BCKDHA: variants seen among roughly 807,000 people sequenced by gnomAD.
The protein encoded by BCKDHA is 2-oxoisovalerate dehydrogenase subunit alpha, mitochondrial.
BCKDHA carries 43 observed loss-of-function variants against 52.2 expected under a neutral mutation model. The ratio of observed to expected loss-of-function variants is 0.82; its 90% CI spans 0.64 to 1.06. BCKDHA has a LOEUF of 1.06. Ranked by LOEUF, BCKDHA falls within the 50% of genes least tolerant of loss-of-function variation. The pLI is 0.00. For synonymous variants in BCKDHA, 234 were observed against 247.9 expected (o/e 0.94, Z 0.53); for missense variants, 527 against 621.3 (o/e 0.85, Z 1.61).
intron 1 of BCKDHA, among the ~76,000 whole-genome samples, chr19:41,406,458 T>C (rs2039194124): frequency 6.6e-6 from 1 of 152,132 alleles, no homozygotes; most frequent in African/African-American, 2.4e-5. Flanking sequence ...AGTGCAATGG[T>C]GCAGTCATGG....
Position 41,416,018 on chromosome 19 carries a change from A to G in BCKDHA, c.484+1861A>G, listed in dbSNP as rs150427481. Among the ~76,000 whole-genome samples the G allele has an allele frequency of 5.4e-3, 792 of 146,212 alleles. 11 individuals are homozygous for G. Among genetic ancestry groups the G allele is most frequent in the African/African-American group, 0.019 (747 of 38,856 alleles). ...GAGTACGGTGGCGCAGTCTTGGCTC[A>G]TTGCAACTTCTGCCTTCCAGGTTCA... On this transcript the variant is annotated intron_variant, in intron 4 of 8. Coordinates refer to ENST00000269980, the MANE Select transcript of BCKDHA (RefSeq NM_000709.4).
intron 3 of BCKDHA, among the ~76,000 whole-genome samples, chr19:41,412,381 T>TTTC (rs2039264382): frequency 2.3e-5 from 2 of 85,820 alleles, no homozygotes; most frequent in Admixed American, 1.1e-4. Flanking sequence ...TAGATATTTC[T>TTTC]TTTTTTTTTT....
At chr19:41,415,511 C>T in intron 4 of BCKDHA, 1 of 152,410 alleles carries the variant, frequency 6.6e-6, no homozygotes. Context: ...AGTTGAGTCA[C>T]ATCCACTCTA....
At chr19:41,415,710 G>A (rs1361454402) in intron 4 of BCKDHA, among the ~76,000 whole-genome samples, 6 of 151,492 alleles carry the variant, frequency 4.0e-5, no homozygotes, top group South Asian at 2.1e-4. Flanking sequence ...GTGCAGTGGC[G>A]CGATCTCGGC....
chr19:41,420,894 G>T (rs989129003), intron 5 of BCKDHA, among the ~76,000 whole-genome samples: 1 of 152,216 alleles, frequency 6.6e-6, no homozygotes, highest in Admixed American at 6.5e-5. Flanking sequence ...GTCCTCCGGG[G>T]CCTGTAGCCT....
chr19:41,400,795 A>C (rs1358441215), intron 1 of BCKDHA, among the ~76,000 whole-genome samples: 1 of 151,182 alleles, frequency 6.6e-6, no homozygotes, highest in Non-Finnish European at 1.5e-5. Context: ...GGGTTGCCTG[A>C]GGCCAGGAGT....
chr19:41,419,108 G>C (rs1568506525), intron 4 of BCKDHA, 27 bp from the exon 5 acceptor site: 1 of 1,613,814 alleles, frequency 6.2e-7, no homozygotes, highest in Non-Finnish European at 8.5e-7. Context: ...TGCCCACTCG[G>C]CTAACCATTG....
intron 5 of BCKDHA, among the ~76,000 whole-genome samples, chr19:41,421,941 T>C (rs2039370286): frequency 6.6e-6 from 1 of 152,060 alleles, no homozygotes; most frequent in Admixed American, 6.5e-5. Context: ...TACTGGACTC[T>C]TCAGCCTGAG....
intron 2 of BCKDHA, 45 bp downstream of exon 2, chr19:41,410,861 C>T (rs755016319): frequency 9.3e-6 from 15 of 1,613,318 alleles, no homozygotes; most frequent in African/African-American, 1.3e-5. Flanking sequence ...CACGCCCAGG[C>T]CCCTTGCCTG....
In BCKDHA at chr19:41,422,245, A is replaced by C. The variant is rs1459508985; in HGVS notation, c.728A>C (p.Glu243Ala). The change falls in exon 6 of 9, where the codon GAG (glutamate) becomes GCG (alanine). Residue 243 changes from glutamate to alanine, a missense_variant. By Grantham distance (107) the Glu-to-Ala change is moderately radical. Coordinates refer to ENST00000269980, the MANE Select transcript of BCKDHA (RefSeq NM_000709.4). ...TACTTCGGCGAGGGGGCAGCCAGTG[A>C]GGGGGACGCCCATGCCGGCTTCAAC... ...ICYFGEGAAS[E>A]GDAHAGFNFA... The C allele has an allele frequency of 6.2e-7, 1 of 1,614,168 alleles. No individual in the cohort carries two copies. Among genetic ancestry groups the C allele is most frequent in the South Asian group, 1.1e-5 (1 of 91,084 alleles).
chr19:41,409,902 GTGATTC>G (rs762239097), intron 1 of BCKDHA, among the ~76,000 whole-genome samples: 30 of 149,764 alleles, frequency 2.0e-4, no homozygotes, highest in Non-Finnish European at 3.8e-4. Context: ...CCGGGTTCAA[GTGATTC>G]TCTTGCCTCA....
intron 1 of BCKDHA, among the ~76,000 whole-genome samples, chr19:41,400,697 T>A (rs1031145994): frequency 1.3e-5 from 2 of 152,028 alleles, no homozygotes; most frequent in African/African-American, 2.4e-5. Flanking sequence ...TATTAAATTA[T>A]CATGAGTTTA....
chr19:41,423,211 C>T (rs370088464), intron 8 of BCKDHA, 42 bp downstream of exon 8: 16 of 1,547,146 alleles, frequency 1.0e-5, no homozygotes, highest in Admixed American at 6.0e-5. Flanking sequence ...GGGGCTGCTG[C>T]GGCCTGCAGA....
chr19:41,410,636 G>GC lies in BCKDHA; in HGVS notation c.109dup (p.His37ProfsTer14). On this transcript the variant is annotated frameshift_variant and splice_region_variant. Transcript: ENST00000269980. LOFTEE classifies it high-confidence loss of function. ...GTGGTCTCCTCTGCTCTCTTCCCCA[G>GC]CACCCCCCCAGGCAGCAGCAGCAGT... The GC allele has an allele frequency of 6.2e-7, 1 of 1,614,146 alleles. No homozygotes were observed. The highest frequency in any genetic ancestry group is 8.5e-7 in the Non-Finnish European group (1 of 1,180,026).
At chr19:41,419,076 G>A in intron 4 of BCKDHA, 59 bp from the exon 5 acceptor site, 1 of 1,598,946 alleles carries the variant, frequency 6.3e-7, no homozygotes, top group Non-Finnish European at 8.6e-7. Context: ...GTCACCCACA[G>A]GGCTGAACTG....
At chr19:41,413,702 CT>C (rs1454185273) in intron 3 of BCKDHA, among the ~76,000 whole-genome samples, 1 of 152,206 alleles carries the variant, frequency 6.6e-6, no homozygotes, top group African/African-American at 2.4e-5. Flanking sequence ...TTCCCCACCC[CT>C]ACCACTGTAT....
At chr19:41,417,093 C>T (rs1461738920) in intron 4 of BCKDHA, among the ~76,000 whole-genome samples, 1 of 152,104 alleles carries the variant, frequency 6.6e-6, no homozygotes, top group East Asian at 1.9e-4. Flanking sequence ...CTCACTGCAA[C>T]CTCTGCCTCT....
chr19:41,406,075 T>C (rs2241711), intron 1 of BCKDHA, among the ~76,000 whole-genome samples: 99,757 of 152,036 alleles, frequency 0.66, 33,785 homozygotes, highest in African/African-American at 0.82. Context: ...AGGCACAGCG[T>C]GGAGCCCTTT....
chr19:41,410,352 T>G (rs1351203777), intron 1 of BCKDHA, among the ~76,000 whole-genome samples: 1 of 152,228 alleles, frequency 6.6e-6, no homozygotes, highest in Non-Finnish European at 1.5e-5. Flanking sequence ...GCCAGCCACT[T>G]GATTGAGTCA....
Sources: gnomAD v4.1 joint callset for allele counts (sites outside exome capture counted in the v4.1 genomes callset) on GRCh38, gnomAD v4.1.1 for gene constraint, MANE v1.5 for transcripts, NCBI Gene and HGNC (gene_info 2026-07-23, HGNC 2026-07-21) for gene names.